RANBP10: variants seen among roughly 807,000 people sequenced by gnomAD.
RANBP10 encodes the protein RAN binding protein 10, also known as ran-binding protein 10.
Under a neutral mutation model 72.8 loss-of-function variants are expected in RANBP10, and 24 were observed. The ratio of observed to expected loss-of-function variants is 0.33; its 90% CI spans 0.24 to 0.46. The LOEUF (loss-of-function observed/expected upper bound fraction) is 0.46. Ranked by LOEUF, RANBP10 falls within the 20% of genes least tolerant of loss-of-function variation. RANBP10 has a pLI of 1.00. For synonymous variants in RANBP10, 310 were observed against 322.3 expected (o/e 0.96, Z 0.41); for missense variants, 679 against 817.5 (o/e 0.83, Z 2.07).
chr16:67,730,137 C>T lies in RANBP10; in HGVS notation c.890-91G>A, dbSNP rs1409226552. ...GATGCTGCCAGCCTCAGGGTAGGGT[C>T]CGGCTCAGAGTGCCTCGCCAGCTTG... On this transcript the variant is annotated intron_variant, in intron 7 of 13. Transcript: ENST00000317506. This position sits in a 1 kb window ranked among gnomAD's most constrained non-coding sequence, Gnocchi z 4.3. The T allele has an allele frequency of 2.4e-6, 3 of 1,245,382 alleles. No homozygotes were observed. Among genetic ancestry groups the T allele is most frequent in the Non-Finnish European group, 3.4e-6 (3 of 873,378 alleles). The allele number at this position is 1,245,382 out of a possible 1,614,324, so 77.1% of individuals were successfully genotyped here.
intron 2 of RANBP10, among the ~76,000 whole-genome samples, chr16:67,804,523 T>C (rs2055297118): frequency 6.6e-6 from 1 of 152,002 alleles, no homozygotes; most frequent in African/African-American, 2.4e-5. Flanking sequence ...TGCCTCAGCC[T>C]CCCAAGTAGC....
At chr16:67,790,159 C>A (rs972333017) in intron 2 of RANBP10, among the ~76,000 whole-genome samples, 3 of 150,148 alleles carry the variant, frequency 2.0e-5, no homozygotes, top group Non-Finnish European at 3.0e-5. Flanking sequence ...CACAGATAAA[C>A]CTTGAAAACA....
chr16:67,789,741 G>C (rs1254671437), intron 2 of RANBP10, among the ~76,000 whole-genome samples: 1 of 151,654 alleles, frequency 6.6e-6, no homozygotes, highest in Non-Finnish European at 1.5e-5. Context: ...AAAGTGCTGG[G>C]ATTACAGGCA....
intron 2 of RANBP10, among the ~76,000 whole-genome samples, chr16:67,780,147 A>C (rs867861944): frequency 2.0e-5 from 3 of 152,108 alleles, no homozygotes; most frequent in Middle Eastern, 6.8e-3. Context: ...CAGGACAATC[A>C]CTTGAACCCG....
intron 2 of RANBP10, among the ~76,000 whole-genome samples, chr16:67,784,847 GA>G (rs1487730055): frequency 6.6e-6 from 1 of 151,060 alleles, no homozygotes; most frequent in African/African-American, 2.4e-5. Context: ...GAAAAGAAAA[GA>G]AAATGATCTA....
At position 67,769,464 on chromosome 16, in the gene RANBP10, T is replaced by TAAAAAAAAAAAAC. The variant is rs1353210626; in HGVS notation, c.400+2569_400+2570insGTTTTTTTTTTTT. ...GTCTCAAAAAAAAAAAAAAAAAAAG[T>TAAAAAAAAAAAAC]GCTGGGCGCAGTGGCTCACGCCTGT... On this transcript the variant is annotated intron_variant, in intron 3 of 13. Transcript: ENST00000317506. 2.2e-4 allele frequency among the ~76,000 whole-genome samples: 2 copies of TAAAAAAAAAAAAC among 9,188 alleles called. 1 individual carries two copies. Among genetic ancestry groups the TAAAAAAAAAAAAC allele is most frequent in the Non-Finnish European group, 5.3e-4 (2 of 3,782 alleles). 6.0% of individuals were successfully genotyped at this position (9,188 alleles called of 152,430 possible).
At chr16:67,764,076 G>T (rs564985126) in intron 3 of RANBP10, among the ~76,000 whole-genome samples, 2 of 152,312 alleles carry the variant, frequency 1.3e-5, no homozygotes, top group African/African-American at 4.8e-5. Flanking sequence ...TGGAAATCAG[G>T]GAGATGCAGA....
At chr16:67,805,562 A>C (rs1280644141) in intron 1 of RANBP10, 23 bp from the exon 2 acceptor site, 1 of 1,597,794 alleles carries the variant, frequency 6.3e-7, no homozygotes, top group African/African-American at 1.3e-5. Flanking sequence ...GGCAAGTAAG[A>C]AATTTCAGCA....
rs2053729137 is a variant in RANBP10, at chr16:67,731,413, C to G, written c.889+59G>C. 4.9e-6 allele frequency: 7 copies of G among 1,435,974 alleles called. No homozygotes were observed. In the East Asian group the frequency reaches 1.6e-4, roughly 33 times the overall value. The allele number at this position is 1,435,974 out of a possible 1,614,324, so 89.0% of individuals were successfully genotyped here. On this transcript the variant is annotated intron_variant, in intron 7 of 13. Transcript: ENST00000317506. ...CAGGTTAACCAGGGTTGACATGAGCCAGAGAGCAGAGTTAGGGACAGGTGA... is the reference window on the plus strand; with the variant it reads ...CAGGTTAACCAGGGTTGACATGAGCGAGAGAGCAGAGTTAGGGACAGGTGA...
intron 3 of RANBP10, among the ~76,000 whole-genome samples, chr16:67,755,735 A>G (rs1423072636): frequency 6.7e-6 from 1 of 150,232 alleles, no homozygotes; most frequent in African/African-American, 2.4e-5. Flanking sequence ...TGCTTGGGTC[A>G]GGCCCTGCAG....
In RANBP10 at chr16:67,728,364, A is replaced by G. The variant is rs748894188; in HGVS notation, c.1474+26T>C. The G allele has an allele frequency of 3.7e-6, 6 of 1,611,314 alleles. 1 individual carries two copies. The South Asian group carries it at 4.4e-5, about 12-fold the overall frequency. On this transcript the variant is annotated intron_variant, in intron 11 of 13. Coordinates refer to ENST00000317506, the MANE Select transcript of RANBP10 (RefSeq NM_020850.3). The stretch of plus-strand genomic sequence containing the variant: ...CCAGACTGCACACTGCCCTCAAAGA[A>G]TAGCACACCGGGCCGTGGCTCTCAC...
In RANBP10 at chr16:67,724,392, G is replaced by A. The variant is rs1321225591; in HGVS notation, c.*2036C>T. ...TATTTGTAGCAAGAGAGGAATGGGG[G>A]AGATGTTCACTGAACCCCATTCCAG... On this transcript the variant is annotated 3_prime_UTR_variant, in exon 14 of 14. Coordinates refer to ENST00000317506, the MANE Select transcript of RANBP10 (RefSeq NM_020850.3). The A allele has an allele frequency of 2.0e-5, 3 of 152,242 alleles. No individual in the cohort carries two copies. The highest frequency in any genetic ancestry group is 7.2e-5 in the African/African-American group (3 of 41,444). 9.4% of individuals were successfully genotyped at this position (152,242 alleles called of 1,614,324 possible).
chr16:67,769,125 A>G (rs953978069), intron 3 of RANBP10, among the ~76,000 whole-genome samples: 6 of 152,048 alleles, frequency 3.9e-5, no homozygotes, highest in Non-Finnish European at 7.3e-5. Context: ...AATATATCCT[A>G]CAGATGATTC....
intron 3 of RANBP10, among the ~76,000 whole-genome samples, chr16:67,745,277 A>C (rs567821786): frequency 6.6e-6 from 1 of 151,996 alleles, no homozygotes; most frequent in South Asian, 2.1e-4. Context: ...TGCCTGGCCT[A>C]AAATGTATTT....
In RANBP10 at chr16:67,724,776, C is replaced by A; in HGVS notation, c.*1652G>T. The A allele has an allele frequency of 6.6e-6, 1 of 152,384 alleles. No individual in the cohort carries two copies. 9.4% of individuals were successfully genotyped at this position (152,384 alleles called of 1,614,324 possible). A position where few individuals can be genotyped will look rare whatever the true frequency, so the allele number is the denominator to read the frequency against. On this transcript the variant is annotated 3_prime_UTR_variant, in exon 14 of 14. Coordinates refer to ENST00000317506, the MANE Select transcript of RANBP10 (RefSeq NM_020850.3). ...GTATCTCAGGCCACACCAACCATTC[C>A]CATGTCCACCAATATGGAGCAGGAG...
At position 67,744,467 on chromosome 16, in the gene RANBP10, G is replaced by A; in HGVS notation, c.401-12C>T. 3 of 1,608,950 alleles carry A rather than the reference G, an allele frequency of 1.9e-6. No individual in the cohort carries two copies. The South Asian group carries it at 3.3e-5, about 18-fold the overall frequency. ...ATGTTTGTCCCAACCTGTGGGGGAAGAGAGCAGCAATAACTGAGTAGGTAC... is the reference window on the plus strand; with the variant it reads ...ATGTTTGTCCCAACCTGTGGGGGAAAAGAGCAGCAATAACTGAGTAGGTAC... On this transcript the variant is annotated splice_polypyrimidine_tract_variant and intron_variant, in intron 3 of 13. Transcript: ENST00000317506.
At chr16:67,761,052 T>C (rs1025370611) in intron 3 of RANBP10, among the ~76,000 whole-genome samples, 1 of 152,232 alleles carries the variant, frequency 6.6e-6, no homozygotes, top group Non-Finnish European at 1.5e-5. Context: ...GGGGCTGCAG[T>C]TGGATTCACC....
rs573667592 is a variant in RANBP10 at position 67,798,655 on chromosome 16, T to C, written c.347+6773A>G. Among the ~76,000 whole-genome samples the C allele has an allele frequency of 3.3e-5, 5 of 152,218 alleles. No individual in the cohort carries two copies. The South Asian group carries it at 1.0e-3, about 32-fold the overall frequency. On this transcript the variant is annotated intron_variant, in intron 2 of 13. Coordinates refer to ENST00000317506, the MANE Select transcript of RANBP10 (RefSeq NM_020850.3). ...CTGAGAAGCCTCCTGGCTACCAGTC[T>C]TTCACACCCCATCCCTTCATCTCTT...
Position 67,806,461 on chromosome 16 carries a change from C to A in RANBP10, c.76G>T (p.Gly26Trp), listed in dbSNP as rs1207271066. 6.4e-7 allele frequency: 1 copy of A among 1,557,096 alleles called. No homozygotes were observed. The part of the protein sequence containing the change: ...GDSSGGGAGG[G>W]LPSPGEQELS... ...TCCTGCTCCCCAGGGGACGGCAGCC[C>A]GCCCCCAGCGCCCCCGCCGGAGGAG... Residue 26 changes from glycine to tryptophan, a missense_variant, in exon 1 of 14, where the codon GGG becomes TGG. By Grantham distance (184) the Gly-to-Trp change is radical (BLOSUM62 -2). Coordinates refer to ENST00000317506, the MANE Select transcript of RANBP10 (RefSeq NM_020850.3).
Sources: gnomAD v4.1 joint callset for allele counts (sites outside exome capture counted in the v4.1 genomes callset) on GRCh38, gnomAD v4.1.1 for gene constraint, Gnocchi (gnomAD v3.1) non-coding constraint, MANE v1.5 for transcripts, NCBI Gene and HGNC (gene_info 2026-07-23, HGNC 2026-07-21) for gene names.